The following MARCHF1 variants were observed in gnomAD, a reference collection of about 807,000 sequenced individuals.
MARCHF1 encodes membrane associated ring-CH-type finger 1, also known as E3 ubiquitin-protein ligase MARCHF1.
MARCHF1 carries 40 observed loss-of-function variants against 54.2 expected under a neutral mutation model. That is an observed-to-expected ratio of 0.74 (90% confidence interval 0.57 to 0.96). The LOEUF is 0.96. MARCHF1 is among the 40% of genes least tolerant of loss of function. The pLI is 0.00. For synonymous variants in MARCHF1, 236 were observed against 236.3 expected (o/e 1.00, Z 0.01); for missense variants, 586 against 656.5 (o/e 0.89, Z 1.17).
At chr4:164,308,340 A>G (rs929983225) in intron 1 of MARCHF1, among the ~76,000 whole-genome samples, 2 of 152,158 alleles carry the variant, frequency 1.3e-5, no homozygotes, top group African/African-American at 4.8e-5. Context: ...GAAATAACCT[A>G]TTTGCTATTT....
At chr4:163,735,021 T>C (rs1437336875) in intron 4 of MARCHF1, among the ~76,000 whole-genome samples, 3 of 152,188 alleles carry the variant, frequency 2.0e-5, no homozygotes, top group African/African-American at 7.2e-5. Flanking sequence ...CTAGTCTTCC[T>C]TTTGACACCG....
intron 2 of MARCHF1, among the ~76,000 whole-genome samples, chr4:164,095,719 C>T (rs4056120): frequency 0.84 from 127,637 of 152,066 alleles, 54,076 homozygotes; most frequent in Non-Finnish European, 0.89. Context: ...AAAACTCAAC[C>T]AAAAAACTTA....
At chr4:164,329,121 C>T (rs1468109422) in intron 1 of MARCHF1, among the ~76,000 whole-genome samples, 1 of 152,128 alleles carries the variant, frequency 6.6e-6, no homozygotes, top group Non-Finnish European at 1.5e-5. Flanking sequence ...ATCATTTGAT[C>T]CTTGGAAGAA....
intron 7 of MARCHF1, among the ~76,000 whole-genome samples, chr4:163,587,876 T>C (rs1192246798): frequency 6.6e-6 from 1 of 152,120 alleles, no homozygotes; most frequent in Non-Finnish European, 1.5e-5. Context: ...GCTGGAAGAA[T>C]GTATGAATCA....
At chr4:164,167,222 T>C (rs1730405467) in intron 1 of MARCHF1, among the ~76,000 whole-genome samples, 1 of 151,732 alleles carries the variant, frequency 6.6e-6, no homozygotes. Context: ...AACAGTCTGT[T>C]AGGGTTGCCC....
chr4:163,974,107 G>C (rs1451619006), intron 3 of MARCHF1, among the ~76,000 whole-genome samples: 1 of 152,186 alleles, frequency 6.6e-6, no homozygotes, highest in East Asian at 1.9e-4. Context: ...GTACCTATGT[G>C]TGGTTGTTTT....
intron 5 of MARCHF1, among the ~76,000 whole-genome samples, chr4:163,644,619 A>G: frequency 6.6e-6 from 1 of 152,162 alleles, no homozygotes; most frequent in East Asian, 1.9e-4. Flanking sequence ...CTACCTGTTC[A>G]GGGATCTGGA....
At chr4:164,115,805 A>T (rs1265743602) in intron 1 of MARCHF1, among the ~76,000 whole-genome samples, 1 of 152,068 alleles carries the variant, frequency 6.6e-6, no homozygotes, top group Non-Finnish European at 1.5e-5. Context: ...TACAATTTTG[A>T]TGGATTCTTA....
intron 5 of MARCHF1, among the ~76,000 whole-genome samples, chr4:163,639,733 G>A (rs1742485528): frequency 6.6e-6 from 1 of 152,108 alleles, no homozygotes; most frequent in Non-Finnish European, 1.5e-5. Context: ...AAGAAAGAGA[G>A]GTGGAATAGA....
intron 3 of MARCHF1, among the ~76,000 whole-genome samples, chr4:163,981,015 T>C (rs1175163201): frequency 1.3e-5 from 2 of 152,222 alleles, no homozygotes; most frequent in Non-Finnish European, 2.9e-5. Flanking sequence ...GGATAATTAC[T>C]ATAGAATCTG....
rs564375772 is a variant in MARCHF1, at chr4:163,681,672, T to C, written c.162+19141A>G. On this transcript the variant is annotated intron_variant, in intron 5 of 9. Coordinates refer to ENST00000514618, the MANE Select transcript of MARCHF1 (RefSeq NM_001394959.1). ...ACTGCCATGTGAAGAAGGATGTGTTTGCTGCTTCTTCCACCATGATTGTAA... is the reference window on the plus strand; with the variant it reads ...ACTGCCATGTGAAGAAGGATGTGTTCGCTGCTTCTTCCACCATGATTGTAA... Among the ~76,000 whole-genome samples the C allele has an allele frequency of 2.0e-4, 30 of 152,328 alleles. 1 individual carries two copies. The highest frequency in any genetic ancestry group is 7.0e-4 in the African/African-American group (29 of 41,568).
chr4:163,923,912 T>TA (rs1751484072), intron 3 of MARCHF1, among the ~76,000 whole-genome samples: 1 of 87,936 alleles, frequency 1.1e-5, no homozygotes, highest in African/African-American at 4.2e-5. Context: ...AATAAATGGA[T>TA]ACTTTATTTT....
intron 3 of MARCHF1, among the ~76,000 whole-genome samples, chr4:163,886,101 A>G (rs1362308351): frequency 6.7e-6 from 1 of 149,222 alleles, no homozygotes; most frequent in East Asian, 1.9e-4. Context: ...TATATACTAA[A>G]TTGAAGTAAT....
intron 1 of MARCHF1, among the ~76,000 whole-genome samples, chr4:164,209,013 A>G (rs1731691643): frequency 6.7e-6 from 1 of 149,950 alleles, no homozygotes; most frequent in Admixed American, 6.7e-5. Flanking sequence ...ATATACACAC[A>G]TACATATTTA....
At position 163,775,584 on chromosome 4, in the gene MARCHF1, T is replaced by C. The variant is rs570679008; in HGVS notation, c.112-74721A>G. On this transcript the variant is annotated intron_variant, in intron 4 of 9. Coordinates refer to ENST00000514618, the MANE Select transcript of MARCHF1 (RefSeq NM_001394959.1). ...AGTTCAAGAAGATACAAGAGGAATT[T>C]ATTGACAAATTCCTAAGTCAGGGAA... Among the ~76,000 whole-genome samples the C allele has an allele frequency of 2.0e-5, 3 of 152,286 alleles. No individual in the cohort carries two copies. The East Asian group carries it at 5.8e-4, about 29-fold the overall frequency.
At chr4:164,054,201 A>T (rs531221918) in intron 2 of MARCHF1, among the ~76,000 whole-genome samples, 20 of 151,986 alleles carry the variant, frequency 1.3e-4, no homozygotes, top group Non-Finnish European at 2.5e-4. Flanking sequence ...CCATCAGAGA[A>T]ATGCAAATCA....
intron 1 of MARCHF1, among the ~76,000 whole-genome samples, chr4:164,140,923 T>G (rs749810607): frequency 2.0e-5 from 3 of 152,202 alleles, no homozygotes; most frequent in Non-Finnish European, 4.4e-5. Context: ...AAGACAGTGC[T>G]GCAGGAGGTC....
intron 1 of MARCHF1, among the ~76,000 whole-genome samples, chr4:164,363,549 CT>C (rs2110932531): frequency 6.6e-6 from 1 of 152,166 alleles, no homozygotes; most frequent in South Asian, 2.1e-4. Flanking sequence ...CCACAGGACC[CT>C]ACGAGTAGAA....
At chr4:164,339,114 T>G (rs1729842063) in intron 1 of MARCHF1, among the ~76,000 whole-genome samples, 1 of 152,072 alleles carries the variant, frequency 6.6e-6, no homozygotes, top group Admixed American at 6.5e-5. Flanking sequence ...TGAACAGCAA[T>G]GCAATATTAG....
Sources: gnomAD v4.1 joint callset for allele counts (sites outside exome capture counted in the v4.1 genomes callset) on GRCh38, gnomAD v4.1.1 for gene constraint, MANE v1.5 for transcripts, NCBI Gene and HGNC (gene_info 2026-07-23, HGNC 2026-07-21) for gene names.